RBFOX3: variants seen among roughly 807,000 people sequenced by gnomAD.
The protein encoded by RBFOX3 is RNA binding protein fox-1 homolog 3.
A neutral mutation model predicts 48.7 loss-of-function variants in RBFOX3; 17 were observed. The observed-to-expected ratio is 0.35, with a 90% CI of 0.24 to 0.52. RBFOX3 has a LOEUF of 0.52. Ranked by LOEUF, RBFOX3 falls within the 20% of genes least tolerant of loss-of-function variation. The pLI is 0.94. For synonymous variants in RBFOX3, 212 were observed against 209.5 expected (o/e 1.01, Z -0.10); for missense variants, 382 against 497.5 (o/e 0.77, Z 2.21).
chr17:79,260,724 T>TC (rs1555633645), intron 3 of RBFOX3, among the ~76,000 whole-genome samples: 1 of 152,092 alleles, frequency 6.6e-6, no homozygotes, highest in Non-Finnish European at 1.5e-5. Flanking sequence ...CCGACGCCCC[T>TC]CCCCTGGGGA....
chr17:79,182,622 A>C (rs1051085875), intron 4 of RBFOX3, among the ~76,000 whole-genome samples: 1 of 150,906 alleles, frequency 6.6e-6, no homozygotes, highest in Non-Finnish European at 1.5e-5. Context: ...CTGGTGGCTC[A>C]GAGTCGCCGA....
At chr17:79,596,977 C>T (rs1225308133) in intron 1 of RBFOX3, among the ~76,000 whole-genome samples, 1 of 152,212 alleles carries the variant, frequency 6.6e-6, no homozygotes, top group Non-Finnish European at 1.5e-5. Context: ...TGGCCTTCAC[C>T]GTCTACTTAA....
At chr17:79,141,019 A>T (rs2041811410) in intron 4 of RBFOX3, among the ~76,000 whole-genome samples, 1 of 152,140 alleles carries the variant, frequency 6.6e-6, no homozygotes. Flanking sequence ...GGATTTCCTG[A>T]GCACTCTCTG....
chr17:79,509,772 G>A (rs1317141438), intron 1 of RBFOX3, among the ~76,000 whole-genome samples: 2 of 152,036 alleles, frequency 1.3e-5, no homozygotes, highest in African/African-American at 4.8e-5. Flanking sequence ...GCTCCGGGCT[G>A]TGCATGGAGG....
chr17:79,168,667 G>C (rs1298907856), intron 4 of RBFOX3, among the ~76,000 whole-genome samples: 1 of 152,230 alleles, frequency 6.6e-6, no homozygotes, highest in East Asian at 1.9e-4. Flanking sequence ...CACTGAGGTG[G>C]GACAGTGCCA....
chr17:79,544,821 A>G, intron 1 of RBFOX3, among the ~76,000 whole-genome samples: 1 of 151,776 alleles, frequency 6.6e-6, no homozygotes, highest in East Asian at 1.9e-4. Flanking sequence ...ATGGGGGAGT[A>G]ACATCTGCTG....
chr17:79,258,937 C>A (rs1357434598), intron 3 of RBFOX3, among the ~76,000 whole-genome samples: 1 of 152,236 alleles, frequency 6.6e-6, no homozygotes, highest in Non-Finnish European at 1.5e-5. Flanking sequence ...AAGTCTGGCC[C>A]CAAAGCTGCC....
intron 4 of RBFOX3, among the ~76,000 whole-genome samples, chr17:79,145,657 G>A (rs2042882463): frequency 6.6e-6 from 1 of 152,212 alleles, no homozygotes; most frequent in South Asian, 2.1e-4. Flanking sequence ...AGGAAATGGG[G>A]CATTCGCCGC....
intron 4 of RBFOX3, among the ~76,000 whole-genome samples, chr17:79,132,057 G>A (rs778167457): frequency 6.6e-6 from 1 of 152,182 alleles, no homozygotes; most frequent in Non-Finnish European, 1.5e-5. Context: ...AATCAGCAAG[G>A]AGCCAGGTGT....
chr17:79,139,104 ACT>A (rs1366038446), intron 4 of RBFOX3, among the ~76,000 whole-genome samples: 1 of 134,668 alleles, frequency 7.4e-6, no homozygotes, highest in Non-Finnish European at 1.6e-5. Flanking sequence ...GTTCACACCC[ACT>A]CTCACCCACA....
intron 2 of RBFOX3, among the ~76,000 whole-genome samples, chr17:79,318,009 A>G (rs190803706): frequency 1.2e-4 from 18 of 151,992 alleles, no homozygotes; most frequent in Admixed American, 1.1e-3. Context: ...TACCCCCTTT[A>G]AAAAAACTGT....
intron 4 of RBFOX3, among the ~76,000 whole-genome samples, chr17:79,178,347 C>A (rs889040540): frequency 1.3e-5 from 2 of 152,214 alleles, no homozygotes; most frequent in African/African-American, 4.8e-5. Flanking sequence ...CAAGAAAGAG[C>A]TTAAGCCTCA....
intron 4 of RBFOX3, among the ~76,000 whole-genome samples, chr17:79,184,009 C>T (rs2052842530): frequency 6.6e-6 from 1 of 152,238 alleles, no homozygotes; most frequent in Non-Finnish European, 1.5e-5. Context: ...GGAGCCGCTC[C>T]GCCGGCTCTG....
rs918046686 is a variant in RBFOX3, at chr17:79,097,763, A to T, written c.569-18T>A. ...CTTCCAGCCTAAAACAAAGGCACAG[A>T]GACCTAGTCACTGCCTTCCCCGACC... On this transcript the variant is annotated intron_variant, in intron 9 of 14. Coordinates refer to ENST00000693108, the MANE Select transcript of RBFOX3 (RefSeq NM_001350451.2). The T allele has an allele frequency of 2.6e-6, 4 of 1,550,978 alleles. No individual in the cohort carries two copies. The highest frequency in any genetic ancestry group is 3.5e-6 in the Non-Finnish European group (4 of 1,146,696).
chr17:79,126,889 C>T (rs1260016753), intron 4 of RBFOX3, among the ~76,000 whole-genome samples: 1 of 152,224 alleles, frequency 6.6e-6, no homozygotes, highest in African/African-American at 2.4e-5. Context: ...AATCTGCCTT[C>T]TGGAAACTTC....
At chr17:79,432,130 C>G (rs555961852) in intron 2 of RBFOX3, among the ~76,000 whole-genome samples, 1 of 152,344 alleles carries the variant, frequency 6.6e-6, no homozygotes, top group African/African-American at 2.4e-5. Context: ...GTCAGGATTT[C>G]CTTCCTTTTC....
intron 4 of RBFOX3, among the ~76,000 whole-genome samples, chr17:79,137,337 C>A (rs981914648): frequency 2.6e-5 from 4 of 152,206 alleles, no homozygotes; most frequent in African/African-American, 9.6e-5. Flanking sequence ...CATTCTCACA[C>A]AAGCACCCCT....
chr17:79,157,880 C>T (rs562452387), intron 4 of RBFOX3, among the ~76,000 whole-genome samples: 266 of 152,296 alleles, frequency 1.7e-3, no homozygotes, highest in African/African-American at 6.1e-3. Flanking sequence ...ACAGGGGAGG[C>T]GACTGCAAGC....
chr17:79,650,682 T>G, the RBFOX3 span, among the ~76,000 whole-genome samples: 1 of 151,808 alleles, frequency 6.6e-6, no homozygotes, highest in Admixed American at 6.6e-5. Context: ...GATCAGAGGA[T>G]GCACTTCTGG....
Sources: allele counts gnomAD v4.1 joint callset (sites outside exome capture counted in the v4.1 genomes callset), GRCh38; gene constraint gnomAD v4.1.1; transcripts MANE v1.5; gene names NCBI Gene and HGNC (gene_info 2026-07-23, HGNC 2026-07-21).